Variants in CDH17 observed in about 807,000 individuals in gnomAD.
CDH17 encodes cadherin-17.
CDH17 carries 67 observed loss-of-function variants against 86.3 expected under a neutral mutation model. The ratio of observed to expected loss-of-function variants is 0.78; its 90% CI spans 0.64 to 0.95. CDH17 has a LOEUF of 0.95. CDH17 is among the 40% of genes least tolerant of loss of function. The pLI, the probability that CDH17 is intolerant of heterozygous loss-of-function variation, is 0.00. For synonymous variants in CDH17, 367 were observed against 366.4 expected (o/e 1.00, Z -0.02); for missense variants, 993 against 1,017.6 (o/e 0.98, Z 0.33).
chr8:94,209,733 C>T (rs1814090958), upstream of CDH17, among the ~76,000 whole-genome samples: 1 of 152,162 alleles, frequency 6.6e-6, no homozygotes, highest in African/African-American at 2.4e-5. Flanking sequence ...TTCTCACATT[C>T]TTCACACCTC....
At chr8:94,186,249 A>ACT (rs146835041) in intron 3 of CDH17, among the ~76,000 whole-genome samples, 64 of 149,886 alleles carry the variant, frequency 4.3e-4, no homozygotes, top group African/African-American at 1.0e-3. Context: ...CTTTTGCTGT[A>ACT]CTCTCTCTCT....
intron 12 of CDH17, among the ~76,000 whole-genome samples, chr8:94,155,097 T>C (rs187697403): frequency 2.0e-4 from 31 of 152,186 alleles, no homozygotes; most frequent in African/African-American, 7.5e-4. Context: ...TTTGTTCAAA[T>C]ATATAAGAGA....
At chr8:94,196,630 G>A (rs571546561) in intron 1 of CDH17, among the ~76,000 whole-genome samples, 16 of 152,240 alleles carry the variant, frequency 1.1e-4, no homozygotes, top group African/African-American at 3.4e-4. Flanking sequence ...AATTATTTAG[G>A]CAGATAGTAA....
intron 2 of CDH17, among the ~76,000 whole-genome samples, chr8:94,190,403 C>T (rs1421993699): frequency 6.6e-6 from 1 of 152,188 alleles, no homozygotes; most frequent in East Asian, 1.9e-4. Flanking sequence ...ATCACTGTAG[C>T]CCTCACCACA....
intron 15 of CDH17, 41 bp from the exon 16 acceptor site, chr8:94,131,033 C>A: frequency 9.8e-7 from 1 of 1,019,950 alleles, no homozygotes; most frequent in Non-Finnish European, 1.5e-6. Flanking sequence ...CAACTTCAGA[C>A]CCTGGATTAG....
At chr8:94,134,790 G>C (rs1392808877) in intron 15 of CDH17, among the ~76,000 whole-genome samples, 1 of 152,020 alleles carries the variant, frequency 6.6e-6, no homozygotes, top group Non-Finnish European at 1.5e-5. Flanking sequence ...TTCTCATGTG[G>C]GCATTTAATG....
At chr8:94,210,384 A>G (rs1814105068), upstream of CDH17, among the ~76,000 whole-genome samples, 1 of 152,194 alleles carries the variant, frequency 6.6e-6, no homozygotes, top group African/African-American at 2.4e-5. Context: ...TAGGTTAATT[A>G]AACACTGAAA....
chr8:94,149,143 T>G (rs1452923428), intron 13 of CDH17, among the ~76,000 whole-genome samples: 1 of 152,216 alleles, frequency 6.6e-6, no homozygotes, highest in African/African-American at 2.4e-5. Flanking sequence ...GTGGTGTTTG[T>G]GCTTGTATTA....
chr8:94,174,392 GAAAT>G lies in CDH17; in HGVS notation c.425-136_425-133del, dbSNP rs1157981931. ...AGGTATGACAATTCACACCAGTGGG[GAAAT>G]AAATATTTATCCCACTCCCCCCTTC... On this transcript the variant is annotated intron_variant, in intron 5 of 17. Coordinates refer to ENST00000027335, the MANE Select transcript of CDH17 (RefSeq NM_004063.4). 4 of 857,636 alleles carry G rather than the reference GAAAT, an allele frequency of 4.7e-6. No homozygotes were observed. In the African/African-American group the frequency reaches 6.8e-5, roughly 15 times the overall value. 53.1% of individuals were successfully genotyped at this position (857,636 alleles called of 1,614,324 possible).
intron 1 of CDH17, among the ~76,000 whole-genome samples, chr8:94,200,550 T>G (rs1307948905): frequency 7.4e-4 from 105 of 142,856 alleles, no homozygotes; most frequent in Non-Finnish European, 1.1e-3. Context: ...TTTTTTTTTT[T>G]TTTTTTTTTT....
In CDH17 at chr8:94,128,245, TTC is replaced by T. The variant is rs1812339100; in HGVS notation, c.2492_2493del (p.Arg831LysfsTer9). The T allele has an allele frequency of 2.5e-6, 4 of 1,603,802 alleles. No homozygotes were observed. The highest frequency in any genetic ancestry group is 3.4e-6 in the Non-Finnish European group (4 of 1,171,144). On this transcript the variant is annotated frameshift_variant, in exon 18 of 18. Transcript: ENST00000027335. LOFTEE classifies it high-confidence loss of function. ...SAQASEVKPLRS is the reference protein window; with the variant it reads ...SAQASEVKPLXS ...TCAAACATTCCTTTTCAAATTCAGC[TTC>T]TCAGAGGTTTGACTTCAGATGCTTG...
intron 15 of CDH17, among the ~76,000 whole-genome samples, chr8:94,139,817 C>A (rs117305825): frequency 0.014 from 2,070 of 151,300 alleles, 19 homozygotes; most frequent in Middle Eastern, 0.024. Context: ...GCACAAGAAT[C>A]ATTTGAACCT....
At chr8:94,204,209 A>G (rs1429758760) in intron 1 of CDH17, among the ~76,000 whole-genome samples, 1 of 152,068 alleles carries the variant, frequency 6.6e-6, no homozygotes, top group Non-Finnish European at 1.5e-5. Context: ...ATAGGTATAG[A>G]CGTGCCATGG....
chr8:94,150,759 A>G (rs1411455398), intron 13 of CDH17, among the ~76,000 whole-genome samples: 2 of 152,242 alleles, frequency 1.3e-5, no homozygotes, highest in Non-Finnish European at 2.9e-5. Context: ...GTCTTTGACC[A>G]ATGGTTTTTA....
rs1285303553 is a variant in CDH17 at position 94,170,443 on chromosome 8, A to G, written c.1020T>C (p.Cys340=). ...CCTCAAATACGGTTACTGGTGACGG[A>G]CATGTAGGTGGATTATCATTAATAT... ...VKDINDNPPT[C]PSPVTVFEVQ... Residue 340 remains cysteine (C), a synonymous_variant, in exon 9 of 18, where the codon TGT becomes TGC. Coordinates refer to ENST00000027335, the MANE Select transcript of CDH17 (RefSeq NM_004063.4). 1.2e-6 allele frequency: 2 copies of G among 1,613,852 alleles called. No homozygotes were observed. The highest frequency in any genetic ancestry group is 1.7e-6 in the Non-Finnish European group (2 of 1,179,802).
intron 1 of CDH17, among the ~76,000 whole-genome samples, chr8:94,215,165 CAT>C (rs913512692): frequency 5.5e-4 from 84 of 152,162 alleles, no homozygotes; most frequent in African/African-American, 1.9e-3. Context: ...GAAATAAAAA[CAT>C]CACACAAAAA....
At chr8:94,165,461 T>C (rs1813133623) in intron 10 of CDH17, among the ~76,000 whole-genome samples, 1 of 152,136 alleles carries the variant, frequency 6.6e-6, no homozygotes, top group Non-Finnish European at 1.5e-5. Context: ...CCAGCCTTCT[T>C]TGTGCCCTTC....
chr8:94,194,843 T>C (rs1813752473), intron 1 of CDH17, 138 bp from the exon 2 acceptor site: 2 of 604,992 alleles, frequency 3.3e-6, no homozygotes, highest in Non-Finnish European at 5.9e-6. Context: ...CTCTCCTCTA[T>C]ATGGAGCAGC....
intron 1 of CDH17, among the ~76,000 whole-genome samples, chr8:94,195,159 G>A (rs965274141): frequency 2.0e-5 from 3 of 152,034 alleles, no homozygotes; most frequent in African/African-American, 4.8e-5. Flanking sequence ...CCATCACCAC[G>A]CCTGGCTAAT....
Sources: allele counts gnomAD v4.1 joint callset (sites outside exome capture counted in the v4.1 genomes callset), GRCh38; gene constraint gnomAD v4.1.1; transcripts MANE v1.5; gene names NCBI Gene and HGNC (gene_info 2026-07-23, HGNC 2026-07-21).